SIK2: variants seen among roughly 807,000 people sequenced by gnomAD.
SIK2 encodes salt inducible kinase 2, also known as serine/threonine-protein kinase SIK2.
In SIK2, 29 loss-of-function variants were observed where a neutral mutation model predicts 103.2. The observed-to-expected ratio is 0.28, with a 90% CI of 0.21 to 0.38. SIK2 has a LOEUF of 0.38. Ranked by LOEUF, SIK2 falls within the 10% of genes least tolerant of loss-of-function variation. The probability of loss-of-function intolerance (pLI) is 1.00; values close to 1 mark genes in which losing one functional copy is unlikely to be tolerated. For synonymous variants in SIK2, 412 were observed against 446.1 expected (o/e 0.92, Z 0.96); for missense variants, 879 against 1,171.0 (o/e 0.75, Z 3.64).
intron 3 of SIK2, among the ~76,000 whole-genome samples, chr11:111,676,431 T>G (rs1192879302): frequency 6.6e-6 from 1 of 152,242 alleles, no homozygotes; most frequent in East Asian, 1.9e-4. Context: ...CTCTTCTTTA[T>G]GGACTTTCTA....
intron 2 of SIK2, among the ~76,000 whole-genome samples, chr11:111,617,659 A>G (rs1941825366): frequency 6.6e-6 from 1 of 152,242 alleles, no homozygotes; most frequent in Admixed American, 6.5e-5. Context: ...GCATTCAAAT[A>G]GATTAGCACA....
At chr11:111,615,349 T>C (rs1267408778) in intron 1 of SIK2, among the ~76,000 whole-genome samples, 2 of 152,008 alleles carry the variant, frequency 1.3e-5, no homozygotes, top group African/African-American at 4.8e-5. Flanking sequence ...TAAATTATGT[T>C]TAGAATACCC....
chr11:111,707,268 G>GT (rs1405622380), intron 8 of SIK2, among the ~76,000 whole-genome samples: 1 of 152,138 alleles, frequency 6.6e-6, no homozygotes, highest in Non-Finnish European at 1.5e-5. Flanking sequence ...AGTGGTGAGG[G>GT]GTTATATAAA....
chr11:111,666,979 A>C (rs1027635178), intron 3 of SIK2, among the ~76,000 whole-genome samples: 4 of 146,704 alleles, frequency 2.7e-5, no homozygotes, highest in African/African-American at 7.5e-5. Flanking sequence ...TTATTTATTT[A>C]TTTATTGAGA....
intron 3 of SIK2, among the ~76,000 whole-genome samples, chr11:111,656,686 G>A (rs1591603229): frequency 6.6e-6 from 1 of 152,210 alleles, no homozygotes; most frequent in Non-Finnish European, 1.5e-5. Context: ...GTTTCACATT[G>A]TGCCTTATTT....
At chr11:111,645,757 A>G (rs988034163) in intron 3 of SIK2, among the ~76,000 whole-genome samples, 1 of 151,320 alleles carries the variant, frequency 6.6e-6, no homozygotes, top group Non-Finnish European at 1.5e-5. Flanking sequence ...GGAGGTTGCA[A>G]TGAGCCGAGA....
intron 3 of SIK2, among the ~76,000 whole-genome samples, chr11:111,635,224 C>T (rs1942090887): frequency 6.6e-6 from 1 of 151,904 alleles, no homozygotes; most frequent in African/African-American, 2.4e-5. Context: ...AGTCCTAGTT[C>T]CGCCATTGAC....
chr11:111,634,053 G>A (rs495460), intron 3 of SIK2, among the ~76,000 whole-genome samples: 92,056 of 151,988 alleles, frequency 0.61, 31,138 homozygotes, highest in East Asian at 0.96. Context: ...CAATTTGGGC[G>A]CTGTTCAAAC....
At chr11:111,635,483 G>T (rs1486060931) in intron 3 of SIK2, among the ~76,000 whole-genome samples, 1 of 72,254 alleles carries the variant, frequency 1.4e-5, no homozygotes, top group Non-Finnish European at 3.7e-5. Context: ...AGGGAGAGAG[G>T]GCGGAGGGAG....
chr11:111,621,127 C>T lies in SIK2; in HGVS notation c.316+725C>T, dbSNP rs1041577024. Among the ~76,000 whole-genome samples, 7 of 152,262 alleles carry T rather than the reference C, an allele frequency of 4.6e-5. No individual in the cohort carries two copies. In the South Asian group the frequency reaches 6.2e-4, roughly 14 times the overall value. On this transcript the variant is annotated intron_variant, in intron 3 of 14. Transcript: ENST00000304987. The stretch of plus-strand genomic sequence containing the variant: ...TGTAGTAAATTACACGTATTTAATG[C>T]GTACAATTTAATGTTTTGATACACG...
intron 3 of SIK2, among the ~76,000 whole-genome samples, chr11:111,657,581 G>T (rs1942407954): frequency 6.6e-6 from 1 of 151,878 alleles, no homozygotes; most frequent in Admixed American, 6.6e-5. Context: ...GTAGAGCTGG[G>T]TCTCATTATG....
rs200147517 is a variant in SIK2, at chr11:111,721,023, G to A, written c.1905G>A (p.Ala635=). The A allele has an allele frequency of 4.2e-5, 67 of 1,613,970 alleles. No individual in the cohort carries two copies. The highest frequency in any genetic ancestry group is 5.2e-5 in the Non-Finnish European group (61 of 1,179,932). ...GPEADPNLAP[A]APQLQDLASS... is the part of the protein sequence containing the mutation. ...AGGCAGACCCTAACCTGGCGCCGGC[G>A]GCTCCTCAGCTCCAGGACCTTGCTA... The change falls in exon 12 of 15, where the codon GCG becomes GCA. Residue 635 remains alanine, a synonymous_variant. Transcript: ENST00000304987.
intron 3 of SIK2, among the ~76,000 whole-genome samples, chr11:111,666,177 A>G (rs142240571): frequency 9.8e-4 from 149 of 152,344 alleles, no homozygotes; most frequent in Middle Eastern, 3.4e-3. Flanking sequence ...ATTTCAGTCC[A>G]TCTTGTGAAA....
intron 1 of SIK2, among the ~76,000 whole-genome samples, chr11:111,615,776 CT>C (rs1591588283): frequency 6.6e-6 from 1 of 152,108 alleles, no homozygotes; most frequent in African/African-American, 2.4e-5. Context: ...TTATATTCAG[CT>C]TTTTGTCTGT....
rs577674096 is a variant in SIK2, at chr11:111,705,342, A to T, written c.1101+203A>T. Among the ~76,000 whole-genome samples, 1 of 152,340 alleles carries T rather than the reference A, an allele frequency of 6.6e-6. No individual in the cohort carries two copies. Among genetic ancestry groups the T allele is most frequent in the Non-Finnish European group, 1.5e-5 (1 of 68,028 alleles). On this transcript the variant is annotated intron_variant, in intron 8 of 14. Transcript: ENST00000304987. The surrounding 1 kb of genome is among the most constrained non-coding windows in gnomAD (Gnocchi z 4.3). ...TTAACTTTATTTCAAACAGTTTTTT[A>T]AAATTGTTTTCATCATTCACAATGT...
At chr11:111,715,373 C>T (rs1288137983) in intron 9 of SIK2, among the ~76,000 whole-genome samples, 2 of 152,204 alleles carry the variant, frequency 1.3e-5, no homozygotes, top group Admixed American at 1.3e-4. Context: ...GCCTCATGTG[C>T]ATTTACTGTA....
At chr11:111,704,277 A>G (rs1369537092) in intron 7 of SIK2, among the ~76,000 whole-genome samples, 1 of 152,230 alleles carries the variant, frequency 6.6e-6, no homozygotes, top group Non-Finnish European at 1.5e-5. Flanking sequence ...AGTGCTCTGC[A>G]TCCTGGTGCC....
chr11:111,645,821 A>G (rs1201262942), intron 3 of SIK2, among the ~76,000 whole-genome samples: 3 of 151,848 alleles, frequency 2.0e-5, no homozygotes, highest in African/African-American at 4.8e-5. Flanking sequence ...AAAAAAAGAC[A>G]AAGAAGCAAC....
At chr11:111,668,242 G>A (rs1942576408) in intron 3 of SIK2, among the ~76,000 whole-genome samples, 2 of 152,084 alleles carry the variant, frequency 1.3e-5, no homozygotes, top group Admixed American at 6.5e-5. Context: ...ACATGCACAA[G>A]GGAAAGAGAG....
Sources: allele counts gnomAD v4.1 joint callset (sites outside exome capture counted in the v4.1 genomes callset), GRCh38; gene constraint gnomAD v4.1.1; non-coding constraint Gnocchi (gnomAD v3.1); transcripts MANE v1.5; gene names NCBI Gene and HGNC (gene_info 2026-07-23, HGNC 2026-07-21).